The following BTRC variants were observed in gnomAD, a reference collection of about 807,000 sequenced individuals.
The protein encoded by BTRC is beta-transducin repeat containing E3 ubiquitin protein ligase.
In BTRC, 42 loss-of-function variants were observed where a neutral mutation model predicts 85.5. The ratio of observed to expected loss-of-function variants is 0.49; its 90% CI spans 0.38 to 0.64. The LOEUF is 0.64. Ranked by LOEUF, BTRC falls within the 30% of genes least tolerant of loss-of-function variation. BTRC has a pLI of 0.00. For missense variants in BTRC, 594 were observed against 743.5 expected, an observed-to-expected ratio of 0.80 and a Z score of 2.34; for synonymous variants, 255 against 263.3, an observed-to-expected ratio of 0.97 and a Z score of 0.30.
intron 4 of BTRC, among the ~76,000 whole-genome samples, chr10:101,489,970 C>G (rs1946086621): frequency 6.6e-6 from 1 of 152,100 alleles, no homozygotes; most frequent in Admixed American, 6.6e-5. Context: ...CAATTAAGTT[C>G]ACCTTGGAGA....
intron 14 of BTRC, among the ~76,000 whole-genome samples, chr10:101,551,894 T>C (rs1047244510): frequency 2.6e-5 from 4 of 152,198 alleles, no homozygotes; most frequent in Admixed American, 6.5e-5. Context: ...CACGGAACCC[T>C]GTGAAGGCTG....
Position 101,367,039 on chromosome 10 carries a change from TATAAATATATATATATATAA to T in BTRC, c.48+12815_48+12834del, listed in dbSNP as rs1942476532. ...ATATTTATATTTATATATTTATATA[TATAAATATATATATATATAA>T]ATATAAATATATATATATATATTTT... On this transcript the variant is annotated intron_variant, in intron 1 of 14. Coordinates refer to ENST00000370187, the MANE Select transcript of BTRC (RefSeq NM_033637.4). 1.1e-4 allele frequency among the ~76,000 whole-genome samples: 7 copies of T among 66,070 alleles called. 3 individuals are homozygous for T. The highest frequency in any genetic ancestry group is 2.2e-4 in the Non-Finnish European group (7 of 32,182). The allele number at this position is 66,070 out of a possible 152,430, so 43.3% of individuals were successfully genotyped here.
chr10:101,369,325 C>T (rs1456584650), intron 1 of BTRC, among the ~76,000 whole-genome samples: 1 of 151,878 alleles, frequency 6.6e-6, no homozygotes, highest in Non-Finnish European at 1.5e-5. Flanking sequence ...GCTCAAACAT[C>T]CTCCCACCTG....
rs370921512 is a variant in BTRC, at chr10:101,539,773, C to G, written c.1656+1402C>G. Among the ~76,000 whole-genome samples, 4 of 152,202 alleles carry G rather than the reference C, an allele frequency of 2.6e-5. No individual in the cohort carries two copies. In the South Asian group the frequency reaches 6.2e-4, roughly 24 times the overall value. On this transcript the variant is annotated intron_variant, in intron 13 of 14. Coordinates refer to ENST00000370187, the MANE Select transcript of BTRC (RefSeq NM_033637.4). ...CAAACTGTTTTTCAAAGTGGTTTAC[C>G]CTTTTACATTATAGTATATAGCAGT... is the stretch of plus-strand genomic sequence containing the variant.
intron 1 of BTRC, among the ~76,000 whole-genome samples, chr10:101,360,794 G>A (rs1203291968): frequency 6.6e-6 from 1 of 152,248 alleles, no homozygotes; most frequent in Middle Eastern, 3.4e-3. Flanking sequence ...ACCACTCGCA[G>A]CCTAAAATAC....
chr10:101,547,100 A>G (rs180775448), intron 13 of BTRC, among the ~76,000 whole-genome samples: 27 of 152,338 alleles, frequency 1.8e-4, no homozygotes, highest in African/African-American at 6.5e-4. Context: ...ATGAAGTTCA[A>G]TAGGTTAGGC....
chr10:101,460,939 G>C (rs1945207955), intron 2 of BTRC, among the ~76,000 whole-genome samples: 1 of 152,102 alleles, frequency 6.6e-6, no homozygotes, highest in African/African-American at 2.4e-5. Context: ...ACCTTGCTCT[G>C]TCACTCAGGC....
chr10:101,385,133 G>A (rs1158021078), intron 1 of BTRC, among the ~76,000 whole-genome samples: 1 of 151,884 alleles, frequency 6.6e-6, no homozygotes, highest in Non-Finnish European at 1.5e-5. Flanking sequence ...CTTGCTTTGA[G>A]GCTGCAGTGG....
intron 1 of BTRC, among the ~76,000 whole-genome samples, chr10:101,370,703 G>A (rs1362190705): frequency 6.6e-6 from 1 of 151,266 alleles, no homozygotes; most frequent in Non-Finnish European, 1.5e-5. Context: ...CCCGTAGCTG[G>A]GACTACAGGC....
At chr10:101,531,533 A>T (rs1388643877) in intron 7 of BTRC, among the ~76,000 whole-genome samples, 200 bp downstream of exon 7, 1 of 152,062 alleles carries the variant, frequency 6.6e-6, no homozygotes, top group Non-Finnish European at 1.5e-5. Flanking sequence ...CAGCCTGGCT[A>T]ACATGGTGAG....
chr10:101,541,290 C>T (rs937873254), intron 13 of BTRC, among the ~76,000 whole-genome samples: 3 of 150,622 alleles, frequency 2.0e-5, no homozygotes, highest in African/African-American at 7.3e-5. Flanking sequence ...GACGGAGTCT[C>T]GCTCTTTCAC....
At chr10:101,521,247 C>G (rs2062100049) in intron 4 of BTRC, among the ~76,000 whole-genome samples, 1 of 152,212 alleles carries the variant, frequency 6.6e-6, no homozygotes, top group Non-Finnish European at 1.5e-5. Context: ...GCACTCCAGC[C>G]TGGGTGACAG....
At chr10:101,490,166 C>T (rs1217653664) in intron 4 of BTRC, among the ~76,000 whole-genome samples, 1 of 151,658 alleles carries the variant, frequency 6.6e-6, no homozygotes, top group Non-Finnish European at 1.5e-5. Context: ...TTTCATGTAT[C>T]TTCAAGATGG....
At chr10:101,527,554 A>G (rs1310367233) in intron 6 of BTRC, among the ~76,000 whole-genome samples, 1 of 152,166 alleles carries the variant, frequency 6.6e-6, no homozygotes, top group Non-Finnish European at 1.5e-5. Context: ...GGAGTTTGAT[A>G]CCAGGCTGGG....
intron 2 of BTRC, among the ~76,000 whole-genome samples, chr10:101,444,464 T>C (rs1944770987): frequency 6.6e-6 from 1 of 152,180 alleles, no homozygotes; most frequent in Non-Finnish European, 1.5e-5. Context: ...GCTCTTGATA[T>C]AAAAATTCAT....
chr10:101,545,459 C>T (rs759306654), intron 13 of BTRC, among the ~76,000 whole-genome samples: 2 of 152,104 alleles, frequency 1.3e-5, no homozygotes, highest in Non-Finnish European at 2.9e-5. Flanking sequence ...GTCTTAACCA[C>T]CAGTACCTCA....
intron 6 of BTRC, among the ~76,000 whole-genome samples, chr10:101,527,795 TAC>T (rs5787437): frequency 0.012 from 1,759 of 145,062 alleles, 31 homozygotes; most frequent in African/African-American, 0.042. Flanking sequence ...CTCTCTCACA[TAC>T]ACACACACAC....
At chr10:101,354,500 G>A in intron 1 of BTRC, 2 of 489,700 alleles carry the variant, frequency 4.1e-6, no homozygotes, top group Non-Finnish European at 7.2e-6. Flanking sequence ...GGCGGCGCGC[G>A]GGGCCCTGGA....
chr10:101,400,521 A>G (rs1327158093), intron 1 of BTRC, among the ~76,000 whole-genome samples: 1 of 152,186 alleles, frequency 6.6e-6, no homozygotes, highest in Non-Finnish European at 1.5e-5. Flanking sequence ...GTAGAGGAAG[A>G]TGATCCATAA....
Sources: gnomAD v4.1 joint callset for allele counts (sites outside exome capture counted in the v4.1 genomes callset) on GRCh38, gnomAD v4.1.1 for gene constraint, MANE v1.5 for transcripts, NCBI Gene and HGNC (gene_info 2026-07-23, HGNC 2026-07-21) for gene names.